CD9: variants seen among roughly 807,000 people sequenced by gnomAD.
CD9 encodes the protein CD9 molecule.
A neutral mutation model predicts 31.4 loss-of-function variants in CD9; 10 were observed. The observed-to-expected ratio is 0.32, with a 90% confidence interval of 0.20 to 0.54. CD9 has a LOEUF of 0.54. Ranked by LOEUF, CD9 falls within the 20% of genes least tolerant of loss-of-function variation. CD9 has a pLI of 0.94. For missense variants in CD9, 259 were observed against 300.1 expected, an observed-to-expected ratio of 0.86 and a Z score of 1.01; for synonymous variants, 113 against 114.1, an observed-to-expected ratio of 0.99 and a Z score of 0.06.
intron 2 of CD9, among the ~76,000 whole-genome samples, chr12:6,227,977 G>C (rs1946391348): frequency 6.6e-6 from 1 of 152,208 alleles, no homozygotes; most frequent in African/African-American, 2.4e-5. Context: ...ACAGGATTCA[G>C]ATCCTGCAGG....
At chr12:6,221,655 C>A (rs1326296303) in intron 1 of CD9, among the ~76,000 whole-genome samples, 1 of 151,886 alleles carries the variant, frequency 6.6e-6, no homozygotes, top group Non-Finnish European at 1.5e-5. Flanking sequence ...TTGCTCCTGG[C>A]CCCTCCCATT....
intron 1 of CD9, among the ~76,000 whole-genome samples, chr12:6,208,856 G>A (rs1223282490): frequency 1.3e-5 from 2 of 151,862 alleles, no homozygotes; most frequent in Admixed American, 6.6e-5. Context: ...GTAGTTTAAT[G>A]TCTTTTAAAC....
intron 1 of CD9, among the ~76,000 whole-genome samples, chr12:6,203,832 T>C (rs1236325368): frequency 6.6e-6 from 1 of 152,162 alleles, no homozygotes; most frequent in Admixed American, 6.5e-5. Context: ...GTCTGCCCTC[T>C]TTCTGGTCAG....
intron 5 of CD9, 73 bp downstream of exon 5, chr12:6,235,400 C>G: frequency 6.2e-7 from 1 of 1,614,030 alleles, no homozygotes. Context: ...GCTGACTGCA[C>G]CAGACCAGTG....
At chr12:6,233,122 T>C in intron 3 of CD9, 1 of 695,950 alleles carries the variant, frequency 1.4e-6, no homozygotes, top group East Asian at 2.7e-5. Flanking sequence ...ACAATAGTAG[T>C]TGCCTGCTCA....
In CD9 at chr12:6,232,334, T is replaced by G; in HGVS notation, c.176-298T>G. The G allele has an allele frequency of 2.1e-6, 1 of 478,288 alleles. No homozygotes were observed. The highest frequency in any genetic ancestry group is 3.8e-6 in the Non-Finnish European group (1 of 262,428). 29.6% of individuals were successfully genotyped at this position (478,288 alleles called of 1,614,324 possible). On this transcript the variant is annotated intron_variant, in intron 2 of 7. Transcript: ENST00000009180. This position sits in a 1 kb window ranked among gnomAD's most constrained non-coding sequence, Gnocchi z 4.8. Reference sequence around the variant, plus strand: ...TGCATTCCGAATGTAGGGATTCCCGTGGATATTCTCTGTCCTGGATTGAGG... The same window carrying G: ...TGCATTCCGAATGTAGGGATTCCCGGGGATATTCTCTGTCCTGGATTGAGG...
In CD9 at chr12:6,200,588, C is replaced by A; in HGVS notation, c.66+23C>A. On this transcript the variant is annotated intron_variant, in intron 1 of 7. Transcript: ENST00000009180. ...TGGGTGAGTGAGCGCGACTGCCGCG[C>A]GCTCCTCTCAGGGCCCACCTGTTCG... is the stretch of plus-strand genomic sequence containing the variant. 3.2e-6 allele frequency: 5 copies of A among 1,575,200 alleles called. No homozygotes were observed. The South Asian group carries it at 5.6e-5, about 18-fold the overall frequency.
In CD9 at chr12:6,232,327, A is replaced by T. The variant is rs186071494; in HGVS notation, c.176-305A>T. The stretch of plus-strand genomic sequence containing the variant: ...ACCAGTTTGCATTCCGAATGTAGGG[A>T]TTCCCGTGGATATTCTCTGTCCTGG... On this transcript the variant is annotated intron_variant, in intron 2 of 7. Coordinates refer to ENST00000009180, the MANE Select transcript of CD9 (RefSeq NM_001769.4). The surrounding 1 kb of genome is among the most constrained non-coding windows in gnomAD (Gnocchi z 4.8). 9.1e-5 allele frequency: 42 copies of T among 463,672 alleles called. No homozygotes were observed. In the Admixed American group the frequency reaches 1.4e-3, roughly 15 times the overall value. The allele number at this position is 463,672 out of a possible 1,614,324, so 28.7% of individuals were successfully genotyped here.
chr12:6,206,180 G>A (rs1429372186), intron 1 of CD9: 7 of 150,854 alleles, frequency 4.6e-5, no homozygotes, highest in African/African-American at 1.7e-4. Flanking sequence ...AAAATGCAGG[G>A]GAATAGGGGG....
At chr12:6,212,644 A>C (rs373624718) in intron 1 of CD9, among the ~76,000 whole-genome samples, 1 of 152,270 alleles carries the variant, frequency 6.6e-6, no homozygotes, top group Admixed American at 6.5e-5. Context: ...CCAACAATGC[A>C]GGCAGCTCAA....
intron 1 of CD9, among the ~76,000 whole-genome samples, chr12:6,202,617 A>G (rs1246609721): frequency 6.6e-6 from 1 of 152,206 alleles, no homozygotes; most frequent in African/African-American, 2.4e-5. Flanking sequence ...GGCCACTGGT[A>G]TCTACTCTGT....
chr12:6,207,406 T>C, intron 1 of CD9, among the ~76,000 whole-genome samples: 1 of 152,192 alleles, frequency 6.6e-6, no homozygotes, highest in East Asian at 1.9e-4. Context: ...CTCCCACCCA[T>C]CCCTCTGACT....
At chr12:6,234,252 T>C (rs1252798474) in intron 4 of CD9, 1 of 151,952 alleles carries the variant, frequency 6.6e-6, no homozygotes, top group East Asian at 1.9e-4. Context: ...GTAGTGTTTT[T>C]GGAAGGGCTG....
intron 1 of CD9, among the ~76,000 whole-genome samples, chr12:6,221,616 C>A (rs190212766): frequency 2.0e-5 from 3 of 152,280 alleles, no homozygotes; most frequent in Non-Finnish European, 4.4e-5. Context: ...TTGGCACCCT[C>A]TTTTAAGGGT....
At chr12:6,225,747 A>G (rs1946357047) in intron 2 of CD9, 1 of 569,236 alleles carries the variant, frequency 1.8e-6, no homozygotes, top group Non-Finnish European at 3.1e-6. Flanking sequence ...TCTTTTCCTG[A>G]TGGCCAAGTC....
chr12:6,214,781 CA>C (rs1334285191), intron 1 of CD9, among the ~76,000 whole-genome samples: 1 of 152,096 alleles, frequency 6.6e-6, no homozygotes, highest in Non-Finnish European at 1.5e-5. Context: ...AGGTTCTTAC[CA>C]GGAGTGCCCT....
At chr12:6,226,792 G>T (rs1591975436) in intron 2 of CD9, among the ~76,000 whole-genome samples, 1 of 152,208 alleles carries the variant, frequency 6.6e-6, no homozygotes, top group Non-Finnish European at 1.5e-5. Flanking sequence ...TTTCTATAGC[G>T]CCCTGACTTG....
At chr12:6,200,586 C>G (rs745779090) in intron 1 of CD9, 21 bp downstream of exon 1, 1 of 1,577,884 alleles carries the variant, frequency 6.3e-7, no homozygotes, top group East Asian at 2.2e-5. Flanking sequence ...GCGACTGCCG[C>G]GCGCTCCTCT....
intron 1 of CD9, among the ~76,000 whole-genome samples, chr12:6,212,686 C>G (rs1331747633): frequency 6.6e-6 from 1 of 152,168 alleles, no homozygotes; most frequent in Non-Finnish European, 1.5e-5. Flanking sequence ...TTTTTTTGAG[C>G]TTTATCTTAC....
Sources: gnomAD v4.1 joint callset for allele counts (sites outside exome capture counted in the v4.1 genomes callset) on GRCh38, gnomAD v4.1.1 for gene constraint, Gnocchi (gnomAD v3.1) non-coding constraint, MANE v1.5 for transcripts, NCBI Gene and HGNC (gene_info 2026-07-23, HGNC 2026-07-21) for gene names.